Variants in NOP9 observed in about 807,000 individuals in gnomAD.
The protein encoded by NOP9 is nucleolar protein 9.
A neutral mutation model predicts 63.0 loss-of-function variants in NOP9; 50 were observed. The observed-to-expected ratio is 0.79, with a 90% CI of 0.63 to 1.00. The LOEUF is 1.00. NOP9 is among the 50% of genes least tolerant of loss of function. The probability of loss-of-function intolerance (pLI) is 0.00; values close to 1 mark genes in which losing one functional copy is unlikely to be tolerated. For missense variants in NOP9, 758 were observed against 803.0 expected, an observed-to-expected ratio of 0.94 and a Z score of 0.68; for synonymous variants, 343 against 332.8, an observed-to-expected ratio of 1.03 and a Z score of -0.33.
In NOP9 at chr14:24,304,085, T is replaced by A; in HGVS notation, c.1455T>A (p.Leu485=). Reference sequence around the variant, plus strand: ...GAGCCTTGGGGGATGTGACAGTCCTTGGGTCTCTACTGCTCCAGCATCTGC... The same window carrying A: ...GAGCCTTGGGGGATGTGACAGTCCTAGGGTCTCTACTGCTCCAGCATCTGC... ...AARALGDVTV[L]GSLLLQHLLH... The change falls in exon 8 of 10, where the codon CTT becomes CTA. Residue 485 remains leucine, a synonymous_variant. Coordinates refer to ENST00000267425, the MANE Select transcript of NOP9 (RefSeq NM_174913.3). 1.2e-6 allele frequency: 2 copies of A among 1,614,234 alleles called. No homozygotes were observed. Among genetic ancestry groups the A allele is most frequent in the Non-Finnish European group, 1.7e-6 (2 of 1,180,046 alleles).
the NOP9 span, among the ~76,000 whole-genome samples, chr14:24,272,173 C>T: frequency 6.6e-6 from 1 of 152,240 alleles, no homozygotes; most frequent in Non-Finnish European, 1.5e-5. Context: ...TACACTTTCT[C>T]TGGGTGAGTT....
upstream of NOP9, chr14:24,299,385 G>A (rs1016136443): frequency 2.1e-5 from 7 of 336,434 alleles, no homozygotes; most frequent in African/African-American, 1.5e-4. Flanking sequence ...ACAACCCTCT[G>A]AGTGTGGCTG....
Position 24,300,138 on chromosome 14 carries a change from C to G in NOP9, c.184C>G (p.Leu62Val), listed in dbSNP as rs769154283. Residue 62 changes from leucine (L) to valine (V), a missense_variant, in exon 1 of 10, where the codon CTG (leucine) becomes GTG (valine). Leu to Val is a conservative substitution (Grantham distance 32). Transcript: ENST00000267425. ...GCACCCGCACCTGAGCCCGGAAGCTCTGGGATATTTCCGCCGGGCGCTGTC... is the reference window on the plus strand; with the variant it reads ...GCACCCGCACCTGAGCCCGGAAGCTGTGGGATATTTCCGCCGGGCGCTGTC... ...DSHPHLSPEA[L>V]GYFRRALSAL... 6 of 1,614,010 alleles carry G rather than the reference C, an allele frequency of 3.7e-6. No individual in the cohort carries two copies. The highest frequency in any genetic ancestry group is 1.1e-5 in the South Asian group (1 of 91,086).
upstream of NOP9, among the ~76,000 whole-genome samples, chr14:24,297,490 G>C (rs1034166536): frequency 1.3e-5 from 2 of 152,088 alleles, no homozygotes; most frequent in African/African-American, 4.8e-5. Flanking sequence ...TTATGCTCTG[G>C]GTCCCCGCCT....
Position 24,301,674 on chromosome 14 carries a change from T to C in NOP9, c.760T>C (p.Leu254=), listed in dbSNP as rs2041378977. 3 of 1,614,080 alleles carry C rather than the reference T, an allele frequency of 1.9e-6. No individual in the cohort carries two copies. The highest frequency in any genetic ancestry group is 2.5e-6 in the Non-Finnish European group (3 of 1,180,042). ...TGATTTTGAAGTCCCTGAAACCTTT[T>C]TGAATCGCCTTCAGGACCTGAGCTC... is the stretch of plus-strand genomic sequence containing the variant. The part of the protein sequence containing the change: ...PADFEVPETF[L]NRLQDLSSSF... Residue 254 remains leucine (L), a synonymous_variant, in exon 3 of 10, where the codon TTG becomes CTG. Transcript: ENST00000267425.
At chr14:24,291,368 C>A in the NOP9 span, 1 of 1,074,430 alleles carries the variant, frequency 9.3e-7, no homozygotes, top group South Asian at 1.3e-5. Context: ...TTTTTCCACA[C>A]TTCCCAGGAG....
rs2041380183 is a variant in NOP9 at position 24,301,725 on chromosome 14, A to G, written c.808+3A>G. 1.2e-6 allele frequency: 2 copies of G among 1,613,836 alleles called. No individual in the cohort carries two copies. Among genetic ancestry groups the G allele is most frequent in the South Asian group, 1.1e-5 (1 of 91,086 alleles). Reference sequence around the variant, plus strand: ...CTCCTTTCTGAAGGACATTGCAGGTAAGGAGGGAAGTAGGAGGATGGTCTC... The same window carrying G: ...CTCCTTTCTGAAGGACATTGCAGGTGAGGAGGGAAGTAGGAGGATGGTCTC... On this transcript the variant is annotated splice_donor_region_variant and intron_variant, in intron 3 of 9. Coordinates refer to ENST00000267425, the MANE Select transcript of NOP9 (RefSeq NM_174913.3).
rs373431275 is a variant in NOP9 at position 24,300,734 on chromosome 14, G to C, written c.574G>C (p.Asp192His). 1.2e-6 allele frequency: 2 copies of C among 1,614,082 alleles called. No homozygotes were observed. The highest frequency in any genetic ancestry group is 8.5e-7 in the Non-Finnish European group (1 of 1,180,040). Residue 192 changes from aspartate (D) to histidine (H), a missense_variant, in exon 2 of 10, where the codon GAT becomes CAT. Transcript: ENST00000267425. Reference sequence around the variant, plus strand: ...CCTGGGACTAGCCGCTGAGGTGTGTGATGATTTTCTTGTCTACTGTGGAGA... The same window carrying C: ...CCTGGGACTAGCCGCTGAGGTGTGTCATGATTTTCTTGTCTACTGTGGAGA... ...LVLGLAAEVC[D>H]DFLVYCGDTH...
chr14:24,298,779 G>C (rs919605049), upstream of NOP9: 8 of 863,368 alleles, frequency 9.3e-6, no homozygotes, highest in Non-Finnish European at 1.3e-5. Flanking sequence ...CTCACTTGGC[G>C]GCAAAATTCT....
the NOP9 span, chr14:24,294,255 C>T: frequency 6.6e-6 from 1 of 152,042 alleles, no homozygotes; most frequent in African/African-American, 2.4e-5. Context: ...CACATACACA[C>T]ACAAATACAA....
intron 1 of NOP9, 35 bp from the exon 2 acceptor site, chr14:24,300,373 A>G: frequency 1.3e-6 from 2 of 1,590,286 alleles, no homozygotes; most frequent in Non-Finnish European, 1.7e-6. Flanking sequence ...TTCTCTACTA[A>G]GTCTCTTCAA....
upstream of NOP9, chr14:24,296,611 T>C (rs755693547): frequency 2.5e-6 from 4 of 1,613,282 alleles, no homozygotes; most frequent in East Asian, 2.2e-5. Context: ...GGGAGGGTGA[T>C]GAATGATCTG....
Position 24,307,980 on chromosome 14 carries a change from G to A in NOP9, c.*2885G>A, listed in dbSNP as rs2041572885. The A allele has an allele frequency of 8.7e-6, 8 of 915,252 alleles. No individual in the cohort carries two copies. Among genetic ancestry groups the A allele is most frequent in the African/African-American group, 1.6e-5 (1 of 60,806 alleles). The allele number at this position is 915,252 out of a possible 1,614,324, so 56.7% of individuals were successfully genotyped here. A position where few individuals can be genotyped will look rare whatever the true frequency, so the allele number is the denominator to read the frequency against. On this transcript the variant is annotated 3_prime_UTR_variant, in exon 10 of 10. Coordinates refer to ENST00000267425, the MANE Select transcript of NOP9 (RefSeq NM_174913.3). The stretch of plus-strand genomic sequence containing the variant: ...TCAGCCCAGGACAAGGTGGGAATGA[G>A]TCAAGCCTGGACTCTGGCCCCCCTG...
chr14:24,274,505 T>G, the NOP9 span, among the ~76,000 whole-genome samples: 1 of 151,976 alleles, frequency 6.6e-6, no homozygotes, highest in Non-Finnish European at 1.5e-5. Flanking sequence ...GCAGTGGAAC[T>G]GATGATAATA....
chr14:24,304,685 T>TCAA, intron 9 of NOP9, 87 bp downstream of exon 9: 1 of 1,123,502 alleles, frequency 8.9e-7, no homozygotes, highest in Non-Finnish European at 1.3e-6. Context: ...CTACTGAAAT[T>TCAA]CAACAGTCTT....
At chr14:24,287,581 A>ACT in the NOP9 span, among the ~76,000 whole-genome samples, 7 of 151,476 alleles carry the variant, frequency 4.6e-5, no homozygotes, top group Non-Finnish European at 1.0e-4. Context: ...TCTTTACTCC[A>ACT]CTCTCTCTCT....
Position 24,300,099 on chromosome 14 carries a change from C to T in NOP9, c.145C>T (p.Pro49Ser). ...PWPPPDGRSE[P>S]APDSHPHLSP... ...GCCGCCTCCGGATGGGCGCTCGGAG[C>T]CGGCTCCAGATTCGCACCCGCACCT... Residue 49 changes from proline to serine, a missense_variant, in exon 1 of 10, where the codon CCG becomes TCG. Pro to Ser is a moderately conservative substitution (Grantham distance 74). Coordinates refer to ENST00000267425, the MANE Select transcript of NOP9 (RefSeq NM_174913.3). 18 of 1,613,366 alleles carry T rather than the reference C, an allele frequency of 1.1e-5. No individual in the cohort carries two copies. The highest frequency in any genetic ancestry group is 1.4e-5 in the Non-Finnish European group (17 of 1,179,856).
the NOP9 span, among the ~76,000 whole-genome samples, chr14:24,272,430 C>T: frequency 6.6e-6 from 1 of 152,274 alleles, no homozygotes; most frequent in African/African-American, 2.4e-5. Flanking sequence ...TAGTGAATGG[C>T]ACTATTTCCT....
the NOP9 span, chr14:24,290,842 G>A: frequency 3.9e-5 from 63 of 1,613,522 alleles, no homozygotes; most frequent in Non-Finnish European, 5.3e-5. Flanking sequence ...CAGAGACGTA[G>A]TGTCAGACCA....
Sources: allele counts gnomAD v4.1 joint callset (sites outside exome capture counted in the v4.1 genomes callset), GRCh38; gene constraint gnomAD v4.1.1; transcripts MANE v1.5; gene names NCBI Gene and HGNC (gene_info 2026-07-23, HGNC 2026-07-21).